The following OPRM1 variants were observed in gnomAD, a reference collection of about 807,000 sequenced individuals.
The protein encoded by OPRM1 is mu-type opioid receptor.
A neutral mutation model predicts 31.8 loss-of-function variants in OPRM1; 27 were observed. That is an observed-to-expected ratio of 0.85 (90% confidence interval 0.63 to 1.17). The LOEUF (loss-of-function observed/expected upper bound fraction) is 1.17. Ranked by LOEUF, OPRM1 falls within the 50% of genes most tolerant of loss-of-function variation. The pLI is 0.00. For synonymous variants in OPRM1, 196 were observed against 189.9 expected (o/e 1.03, Z -0.26); for missense variants, 536 against 511.1 (o/e 1.05, Z -0.47).
At chr6:154,149,377 C>A (rs1798437501) in intron 3 of OPRM1, among the ~76,000 whole-genome samples, 1 of 152,100 alleles carries the variant, frequency 6.6e-6, no homozygotes, top group South Asian at 2.1e-4. Context: ...TCAATTACCT[C>A]CCCTCCATCC....
At chr6:154,236,137 C>T (rs966602374) in intron 3 of OPRM1, among the ~76,000 whole-genome samples, 2 of 152,068 alleles carry the variant, frequency 1.3e-5, no homozygotes, top group African/African-American at 2.4e-5. Context: ...AAGGTAGAAG[C>T]GACCCAAGTG....
chr6:154,202,697 A>G (rs891342142), intron 3 of OPRM1, among the ~76,000 whole-genome samples: 1 of 152,202 alleles, frequency 6.6e-6, no homozygotes, highest in African/African-American at 2.4e-5. Context: ...AACTCTGCTT[A>G]AAGTATCAAG....
chr6:154,033,151 A>G (rs908995628), intron 1 of OPRM1, among the ~76,000 whole-genome samples: 20 of 152,352 alleles, frequency 1.3e-4, no homozygotes, highest in African/African-American at 4.8e-4. Flanking sequence ...TCAGGGTGGG[A>G]AAGTAATTTT....
chr6:154,072,994 T>A (rs895909727), intron 1 of OPRM1, among the ~76,000 whole-genome samples: 2 of 152,168 alleles, frequency 1.3e-5, no homozygotes, highest in African/African-American at 4.8e-5. Flanking sequence ...GCTATATATA[T>A]CCTATTCTTT....
chr6:154,026,260 C>A (rs942234040), intron 1 of OPRM1, among the ~76,000 whole-genome samples: 1 of 151,952 alleles, frequency 6.6e-6, no homozygotes, highest in Admixed American at 6.6e-5. Flanking sequence ...TCATGCCACT[C>A]TCTCCTGGCC....
Position 154,085,619 on chromosome 6 carries a change from G to A in OPRM1, c.291-4207G>A, listed in dbSNP as rs115168439. ...AGATGAGTCTCTCTTTGCCCATTTT[G>A]CCACAGAACACATTCACAGCACAGT... On this transcript the variant is annotated intron_variant, in intron 1 of 3. Transcript: ENST00000330432. Among the ~76,000 whole-genome samples the A allele has an allele frequency of 6.0e-3, 911 of 152,260 alleles. 6 individuals carry two copies. Among genetic ancestry groups the A allele is most frequent in the African/African-American group, 0.021 (868 of 41,536 alleles).
At position 154,091,430 on chromosome 6, in the gene OPRM1, C is replaced by G; in HGVS notation, c.1122C>G (p.Asp374Glu). The G allele has an allele frequency of 1.2e-6, 2 of 1,613,772 alleles. No individual in the cohort carries two copies. Among genetic ancestry groups the G allele is most frequent in the Non-Finnish European group, 1.7e-6 (2 of 1,180,020 alleles). ...NSTRIRQNTR[D>E]HPSTANTVDR... ...CTCGAATTCGTCAGAACACTAGAGA[C>G]CACCCCTCCACGGCCAATACAGTGG... is the stretch of plus-strand genomic sequence containing the variant. The change falls in exon 3 of 4, where the codon GAC becomes GAG. Residue 374 changes from aspartate to glutamate, a missense_variant. Transcript: ENST00000330432.
At chr6:154,159,781 A>C in intron 3 of OPRM1, 1 of 1,425,578 alleles carries the variant, frequency 7.0e-7, no homozygotes, top group Middle Eastern at 1.8e-4. Context: ...AACATCTTGA[A>C]GAGTTGCTTG....
chr6:154,019,744 TTTC>T (rs1205645899), intron 1 of OPRM1, among the ~76,000 whole-genome samples: 20 of 144,438 alleles, frequency 1.4e-4, no homozygotes, highest in Admixed American at 9.3e-4. Flanking sequence ...TTTCTTTTCT[TTTC>T]TTTTTTTTTT....
upstream of OPRM1, among the ~76,000 whole-genome samples, chr6:154,034,832 G>T (rs1034493686): frequency 1.3e-5 from 2 of 152,090 alleles, no homozygotes; most frequent in African/African-American, 2.4e-5. Context: ...CCAGATTTTA[G>T]AAAGACATTT....
At chr6:154,239,727 G>C (rs6913073) in intron 3 of OPRM1, among the ~76,000 whole-genome samples, 1 of 151,754 alleles carries the variant, frequency 6.6e-6, no homozygotes, top group Admixed American at 6.5e-5. Flanking sequence ...TTTTTGAGAC[G>C]CAGTCTCGCT....
At chr6:154,101,401 G>A (rs1401487008) in intron 3 of OPRM1, among the ~76,000 whole-genome samples, 1 of 152,126 alleles carries the variant, frequency 6.6e-6, no homozygotes, top group Non-Finnish European at 1.5e-5. Flanking sequence ...AAATAGAAGG[G>A]AAATGGGAGG....
At chr6:154,151,551 C>T (rs113787260) in intron 3 of OPRM1, among the ~76,000 whole-genome samples, 9,883 of 152,120 alleles carry the variant, frequency 0.065, 938 homozygotes, top group African/African-American at 0.21. Context: ...AAAAGGAGCA[C>T]GGTATTTGCT....
chr6:154,037,814 C>A (rs1284262635), upstream of OPRM1, among the ~76,000 whole-genome samples: 2 of 152,016 alleles, frequency 1.3e-5, no homozygotes, highest in African/African-American at 4.8e-5. Context: ...ACTCATACAG[C>A]TACAAAGTTA....
intron 3 of OPRM1, among the ~76,000 whole-genome samples, chr6:154,100,044 T>TTGAC (rs1354044881): frequency 1.5e-5 from 2 of 132,816 alleles, no homozygotes; most frequent in East Asian, 2.2e-4. Context: ...TATCATATGA[T>TTGAC]ATATATCATA....
downstream of OPRM1, among the ~76,000 whole-genome samples, chr6:154,136,813 G>A (rs1217804056): frequency 2.0e-5 from 3 of 152,152 alleles, no homozygotes; most frequent in Non-Finnish European, 4.4e-5. Flanking sequence ...GACTTGCAAA[G>A]GATGGGTGAA....
intron 3 of OPRM1, among the ~76,000 whole-genome samples, chr6:154,171,173 C>T (rs941768913): frequency 2.2e-4 from 33 of 152,126 alleles, no homozygotes; most frequent in Non-Finnish European, 4.3e-4. Context: ...TGAATGTTCA[C>T]GGCAGCATTA....
chr6:154,109,118 C>A (rs1358514987), intron 3 of OPRM1: 2 of 771,842 alleles, frequency 2.6e-6, no homozygotes, highest in Non-Finnish European at 3.2e-6. Flanking sequence ...ACGAAATAAG[C>A]AAATTAGATT....
intron 3 of OPRM1, among the ~76,000 whole-genome samples, chr6:154,151,954 C>T (rs745720600): frequency 1.3e-5 from 2 of 151,840 alleles, no homozygotes; most frequent in African/African-American, 2.4e-5. Flanking sequence ...GTGGGTGGAT[C>T]GCTTGAGGCC....
Sources: allele counts gnomAD v4.1 joint callset (sites outside exome capture counted in the v4.1 genomes callset), GRCh38; gene constraint gnomAD v4.1.1; transcripts MANE v1.5; gene names NCBI Gene and HGNC (gene_info 2026-07-23, HGNC 2026-07-21).